Variants in THSD7B observed in about 807,000 individuals in gnomAD.
THSD7B encodes thrombospondin type 1 domain containing 7B, also known as thrombospondin type-1 domain-containing protein 7B.
A neutral mutation model predicts 213.6 loss-of-function variants in THSD7B; 138 were observed. That is an observed-to-expected ratio of 0.65 (90% CI 0.56 to 0.74). The LOEUF (loss-of-function observed/expected upper bound fraction) is 0.74, where lower values mean the gene tolerates loss of function less well. THSD7B is among the 30% of genes least tolerant of loss of function. The probability of loss-of-function intolerance (pLI) is 0.00; values close to 1 mark genes in which losing one functional copy is unlikely to be tolerated. For missense variants in THSD7B, 1,931 were observed against 1,991.5 expected (o/e 0.97, Z 0.58); for synonymous variants, 742 against 687.0 (o/e 1.08, Z -1.25).
chr2:137,424,334 A>G (rs1335731473), intron 14 of THSD7B, among the ~76,000 whole-genome samples: 1 of 152,172 alleles, frequency 6.6e-6, no homozygotes, highest in African/African-American at 2.4e-5. Context: ...TAAAAATGTA[A>G]GTGCTGTAAA....
chr2:137,116,674 A>C (rs1688451762), intron 5 of THSD7B, among the ~76,000 whole-genome samples: 1 of 152,120 alleles, frequency 6.6e-6, no homozygotes, highest in Admixed American at 6.6e-5. Context: ...TCTATTCCTA[A>C]AGTTTCTTCA....
intron 12 of THSD7B, among the ~76,000 whole-genome samples, chr2:137,280,726 T>A (rs1682986753): frequency 6.6e-6 from 1 of 152,028 alleles, no homozygotes; most frequent in African/African-American, 2.4e-5. Context: ...GACTTATATT[T>A]TATGGCAAAT....
chr2:136,967,723 A>G (rs1273491317), intron 2 of THSD7B, among the ~76,000 whole-genome samples: 1 of 152,200 alleles, frequency 6.6e-6, no homozygotes, highest in Non-Finnish European at 1.5e-5. Flanking sequence ...TCTCTTTCTT[A>G]TCACAATCAA....
chr2:137,010,542 C>T (rs1433361812), intron 2 of THSD7B, among the ~76,000 whole-genome samples: 1 of 152,214 alleles, frequency 6.6e-6, no homozygotes. Context: ...CATTTTCCTG[C>T]CTCTCAGGCT....
chr2:136,840,296 T>C (rs1248057533), intron 1 of THSD7B, among the ~76,000 whole-genome samples: 1 of 152,124 alleles, frequency 6.6e-6, no homozygotes, highest in East Asian at 1.9e-4. Flanking sequence ...GGAGAATCAC[T>C]TGAACCCTGG....
chr2:137,535,105 A>G (rs1233708715), intron 15 of THSD7B, among the ~76,000 whole-genome samples: 1 of 151,828 alleles, frequency 6.6e-6, no homozygotes, highest in Non-Finnish European at 1.5e-5. Context: ...AATACTGTGG[A>G]AATGTTTTAA....
At chr2:137,647,688 C>T (rs1014915105) in intron 21 of THSD7B, among the ~76,000 whole-genome samples, 3 of 152,020 alleles carry the variant, frequency 2.0e-5, no homozygotes, top group African/African-American at 7.2e-5. Context: ...GAGTTGTTGA[C>T]ATTTAAGTGC....
At chr2:137,466,880 G>C (rs776066716) in intron 15 of THSD7B, among the ~76,000 whole-genome samples, 1 of 152,028 alleles carries the variant, frequency 6.6e-6, no homozygotes, top group East Asian at 1.9e-4. Flanking sequence ...TGTCTGTTTT[G>C]TCATCTTCAG....
At chr2:137,156,001 T>A (rs899031410) in intron 5 of THSD7B, 3 of 152,210 alleles carry the variant, frequency 2.0e-5, no homozygotes, top group African/African-American at 7.2e-5. Context: ...TGCTCTGTGC[T>A]TGCTGAATGA....
chr2:137,355,463 T>C (rs1286024853), intron 12 of THSD7B, among the ~76,000 whole-genome samples: 7 of 152,188 alleles, frequency 4.6e-5, no homozygotes, highest in African/African-American at 1.7e-4. Context: ...TCGTAACACC[T>C]ATCTATTCTT....
chr2:136,910,741 A>G (rs1323348662), intron 2 of THSD7B, among the ~76,000 whole-genome samples: 1 of 152,134 alleles, frequency 6.6e-6, no homozygotes, highest in African/African-American at 2.4e-5. Flanking sequence ...TGGTTTTGCT[A>G]TTTTGTAAAT....
chr2:137,424,146 A>G (rs750116174), intron 14 of THSD7B, among the ~76,000 whole-genome samples: 18 of 152,134 alleles, frequency 1.2e-4, no homozygotes, highest in Non-Finnish European at 5.9e-5. Flanking sequence ...TCCTTATACC[A>G]TGACAAAAAT....
chr2:136,896,445 A>C (rs942685276), intron 2 of THSD7B, among the ~76,000 whole-genome samples: 1 of 152,146 alleles, frequency 6.6e-6, no homozygotes, highest in Admixed American at 6.6e-5. Flanking sequence ...TTCTGGATGC[A>C]AATCCTTTAT....
chr2:137,613,911 T>A (rs1181654496), intron 17 of THSD7B, among the ~76,000 whole-genome samples: 1 of 152,092 alleles, frequency 6.6e-6, no homozygotes, highest in Non-Finnish European at 1.5e-5. Flanking sequence ...AACACTAACA[T>A]TAAACTTTCT....
At chr2:136,809,441 T>G (rs562649828) in intron 1 of THSD7B, among the ~76,000 whole-genome samples, 7 of 152,146 alleles carry the variant, frequency 4.6e-5, no homozygotes, top group Non-Finnish European at 8.8e-5. Flanking sequence ...GATAGGAGCT[T>G]GGTCTTGTTG....
chr2:136,831,760 TATC>T (rs1250383177), intron 1 of THSD7B, among the ~76,000 whole-genome samples: 1 of 152,332 alleles, frequency 6.6e-6, no homozygotes, highest in East Asian at 1.9e-4. Flanking sequence ...CCCTACCAAA[TATC>T]ATCCTTTGAG....
chr2:137,579,538 GCA>G (rs940079363), intron 17 of THSD7B, among the ~76,000 whole-genome samples: 11 of 144,490 alleles, frequency 7.6e-5, no homozygotes, highest in Admixed American at 3.4e-4. Context: ...ACGCGCGTGC[GCA>G]CACACACACA....
At chr2:137,498,551 C>T (rs1679626983) in intron 15 of THSD7B, among the ~76,000 whole-genome samples, 1 of 152,062 alleles carries the variant, frequency 6.6e-6, no homozygotes, top group Admixed American at 6.6e-5. Flanking sequence ...TCAGAGTCTA[C>T]TGGCCAGGGA....
At chr2:137,638,473 G>A (rs1480618988) in intron 20 of THSD7B, among the ~76,000 whole-genome samples, 1 of 152,062 alleles carries the variant, frequency 6.6e-6, no homozygotes, top group Non-Finnish European at 1.5e-5. Context: ...ATTAAACCTC[G>A]TTTTCTTCCC....
Sources: gnomAD v4.1 joint callset for allele counts (sites outside exome capture counted in the v4.1 genomes callset) on GRCh38, gnomAD v4.1.1 for gene constraint, MANE v1.5 for transcripts, NCBI Gene and HGNC (gene_info 2026-07-23, HGNC 2026-07-21) for gene names.